The following BDH1 variants were observed in gnomAD, a reference collection of about 807,000 sequenced individuals.
BDH1 encodes the protein D-beta-hydroxybutyrate dehydrogenase, mitochondrial.
Under a neutral mutation model 33.1 loss-of-function variants are expected in BDH1, and 30 were observed. That is an observed-to-expected ratio of 0.91 (90% CI 0.68 to 1.23). The LOEUF (loss-of-function observed/expected upper bound fraction) is 1.23. Ranked by LOEUF, BDH1 falls within the 50% of genes most tolerant of loss-of-function variation. The probability of loss-of-function intolerance (pLI) is 0.00; values close to 1 mark genes in which losing one functional copy is unlikely to be tolerated. For missense variants in BDH1, 443 were observed against 464.4 expected (o/e 0.95, Z 0.42); for synonymous variants, 190 against 183.6 (o/e 1.03, Z -0.28).
At chr3:197,532,913 G>T (rs1022364252) in intron 4 of BDH1, among the ~76,000 whole-genome samples, 1 of 152,192 alleles carries the variant, frequency 6.6e-6, no homozygotes, top group African/African-American at 2.4e-5. Context: ...TTTGGCTCTT[G>T]TTGCCCAGGC....
At chr3:197,553,349 T>C (rs964499568) in intron 2 of BDH1, among the ~76,000 whole-genome samples, 11 of 149,282 alleles carry the variant, frequency 7.4e-5, no homozygotes, top group Non-Finnish European at 1.5e-4. Flanking sequence ...GCCAACATGG[T>C]GAAACCCCGT....
intron 1 of BDH1, among the ~76,000 whole-genome samples, chr3:197,567,463 G>A (rs188245963): frequency 2.6e-5 from 4 of 152,202 alleles, no homozygotes; most frequent in Non-Finnish European, 4.4e-5. Context: ...TCATCTACCC[G>A]TGACCTGGAA....
chr3:197,546,260 T>C lies in BDH1; in HGVS notation c.83+101A>G. On this transcript the variant is annotated intron_variant, in intron 3 of 7. Transcript: ENST00000392379. ...AGACAAAGGTATTGAGAGACATCTCTGAGAATCAGGCCTCATCACCGCCTA... is the reference window on the plus strand; with the variant it reads ...AGACAAAGGTATTGAGAGACATCTCCGAGAATCAGGCCTCATCACCGCCTA... 10 of 1,150,864 alleles carry C rather than the reference T, an allele frequency of 8.7e-6. No homozygotes were observed. The South Asian group carries it at 1.3e-4, about 16-fold the overall frequency. 71.3% of individuals were successfully genotyped at this position (1,150,864 alleles called of 1,614,324 possible).
intron 3 of BDH1, among the ~76,000 whole-genome samples, chr3:197,541,309 T>C (rs983204741): frequency 2.0e-5 from 3 of 152,194 alleles, no homozygotes; most frequent in African/African-American, 7.2e-5. Context: ...GTGCAACAGG[T>C]CCTGGGGGAA....
At position 197,511,813 on chromosome 3, in the gene BDH1, A is replaced by C; in HGVS notation, c.*82T>G. 7.5e-7 allele frequency: 1 copy of C among 1,332,146 alleles called. No individual in the cohort carries two copies. Among genetic ancestry groups the C allele is most frequent in the Non-Finnish European group, 1.0e-6 (1 of 969,082 alleles). The allele number at this position is 1,332,146 out of a possible 1,614,324, so 82.5% of individuals were successfully genotyped here. On this transcript the variant is annotated 3_prime_UTR_variant, in exon 8 of 8. Transcript: ENST00000392379. ...GGCATGGTGGATAATCCACACGTGG[A>C]TAATCAAGAGTTGACTATATGGGTT...
chr3:197,568,952 T>A (rs1337060705), intron 1 of BDH1, among the ~76,000 whole-genome samples: 1 of 152,254 alleles, frequency 6.6e-6, no homozygotes, highest in African/African-American at 2.4e-5. Flanking sequence ...AAATGGTTCA[T>A]TTCTATGTAC....
At chr3:197,536,542 A>T (rs1156679467) in intron 3 of BDH1, among the ~76,000 whole-genome samples, 2 of 152,116 alleles carry the variant, frequency 1.3e-5, no homozygotes, top group African/African-American at 4.8e-5. Flanking sequence ...CGTTTTCAGC[A>T]TTTAAACCAT....
At chr3:197,564,704 A>C (rs1717375407) in intron 1 of BDH1, among the ~76,000 whole-genome samples, 1 of 152,208 alleles carries the variant, frequency 6.6e-6, no homozygotes, top group South Asian at 2.1e-4. Context: ...CTATAAATTA[A>C]TCATTAATGT....
chr3:197,560,876 G>T (rs1022449673), upstream of BDH1, among the ~76,000 whole-genome samples: 1 of 152,196 alleles, frequency 6.6e-6, no homozygotes, highest in African/African-American at 2.4e-5. Context: ...TCAAAAGAAT[G>T]TAACCATTTG....
chr3:197,542,520 G>GTTTTTTT (rs1715722255), intron 3 of BDH1, among the ~76,000 whole-genome samples: 1 of 90,694 alleles, frequency 1.1e-5, no homozygotes, highest in African/African-American at 6.6e-5. Flanking sequence ...TTTCTTGCTT[G>GTTTTTTT]CTTTTTTTTT....
chr3:197,512,273 G>A lies in BDH1; in HGVS notation c.654C>T (p.Phe218=), dbSNP rs559038515. 1.2e-6 allele frequency: 2 copies of A among 1,613,016 alleles called. No individual in the cohort carries two copies. Among genetic ancestry groups the A allele is most frequent in the African/African-American group, 1.3e-5 (1 of 75,056 alleles). ...YCITKFGVEA[F]SDCLRYEMYP... is the part of the protein sequence containing the mutation. ...ACATCTCATAGCGCAGGCAGTCCGA[G>A]AAAGCCTCTACCCCGAACTTGGTGA... is the stretch of plus-strand genomic sequence containing the variant. Residue 218 remains phenylalanine (F), a synonymous_variant, in exon 8 of 8, where the codon TTC becomes TTT. Transcript: ENST00000392379.
chr3:197,566,736 G>C (rs939598927), intron 1 of BDH1, among the ~76,000 whole-genome samples: 4 of 152,064 alleles, frequency 2.6e-5, no homozygotes, highest in South Asian at 2.1e-4. Context: ...CTTGCCTAAC[G>C]TTTCTTGATT....
chr3:197,538,331 T>C (rs1026964934), intron 3 of BDH1: 7 of 456,108 alleles, frequency 1.5e-5, no homozygotes, highest in African/African-American at 4.0e-5. Flanking sequence ...TTTGACGCCA[T>C]TCAAATTTTG....
chr3:197,557,036 C>T (rs1717082182), upstream of BDH1, among the ~76,000 whole-genome samples: 1 of 152,236 alleles, frequency 6.6e-6, no homozygotes, highest in African/African-American at 2.4e-5. The surrounding 1 kb of genome is among the most constrained non-coding windows in gnomAD (Gnocchi z 4.6). Flanking sequence ...TATCTGATTC[C>T]CCCTTTGGAG....
At position 197,514,218 on chromosome 3, in the gene BDH1, C is replaced by G. The variant is rs539539316; in HGVS notation, c.562+46G>C. ...TTTCCATTCTGAGCAAAGATGAACA[C>G]GTGGGGCAGGTTCAGGGGCAGGAGG... On this transcript the variant is annotated intron_variant, in intron 7 of 7. Coordinates refer to ENST00000392379, the MANE Select transcript of BDH1 (RefSeq NM_203314.3). The surrounding 1 kb of genome is among the most constrained non-coding windows in gnomAD (Gnocchi z 4.2). 1.9e-6 allele frequency: 3 copies of G among 1,577,826 alleles called. No homozygotes were observed. Among genetic ancestry groups the G allele is most frequent in the Non-Finnish European group, 8.6e-7 (1 of 1,158,698 alleles).
At chr3:197,546,636 G>T in intron 2 of BDH1, 150 bp from the exon 3 acceptor site, 1 of 582,654 alleles carries the variant, frequency 1.7e-6, no homozygotes, top group Non-Finnish European at 3.1e-6. Flanking sequence ...GTCCACTCTG[G>T]TTCCTCTCTC....
chr3:197,562,822 T>C (rs1164962710), intron 1 of BDH1, among the ~76,000 whole-genome samples: 1 of 152,152 alleles, frequency 6.6e-6, no homozygotes, highest in African/African-American at 2.4e-5. Context: ...TGACCCCCTT[T>C]AGAGCACCTT....
At chr3:197,529,595 G>A (rs1267602977) in intron 5 of BDH1, 2 of 152,174 alleles carry the variant, frequency 1.3e-5, no homozygotes, top group Non-Finnish European at 2.9e-5. Flanking sequence ...AGATTGGGAA[G>A]ACTTCACTTT....
chr3:197,552,189 C>G (rs906276402), intron 2 of BDH1, among the ~76,000 whole-genome samples: 2 of 152,160 alleles, frequency 1.3e-5, no homozygotes, highest in Admixed American at 6.5e-5. Context: ...TTCTTGACTC[C>G]CCTTTCCTGC....
Sources: gnomAD v4.1 joint callset for allele counts (sites outside exome capture counted in the v4.1 genomes callset) on GRCh38, gnomAD v4.1.1 for gene constraint, Gnocchi (gnomAD v3.1) non-coding constraint, MANE v1.5 for transcripts, NCBI Gene and HGNC (gene_info 2026-07-23, HGNC 2026-07-21) for gene names.